OSBP2: variants seen among roughly 807,000 people sequenced by gnomAD.
OSBP2 encodes oxysterol-binding protein 2.
In OSBP2, 66 loss-of-function variants were observed where a neutral mutation model predicts 96.0. The ratio of observed to expected loss-of-function variants is 0.69; its 90% CI spans 0.56 to 0.84. The LOEUF is 0.84. Among genes scored for constraint, OSBP2 ranks in the 40% least tolerant of loss-of-function variants. The pLI is 0.00. For synonymous variants in OSBP2, 525 were observed against 520.9 expected (o/e 1.01, Z -0.11); for missense variants, 1,038 against 1,222.7 (o/e 0.85, Z 2.25).
intron 2 of OSBP2, 54 bp downstream of exon 2, chr22:30,741,423 G>T: frequency 4.8e-6 from 7 of 1,455,150 alleles, no homozygotes; most frequent in Non-Finnish European, 5.6e-6. Flanking sequence ...TGAGTCTGGA[G>T]GAAGTGGGAA....
At chr22:30,857,024 A>T (rs893261055) in intron 2 of OSBP2, among the ~76,000 whole-genome samples, 1 of 152,150 alleles carries the variant, frequency 6.6e-6, no homozygotes, top group Non-Finnish European at 1.5e-5. Context: ...TCCTTCCTGA[A>T]TGTGGACCTT....
At chr22:30,765,020 C>G (rs1030239743) in intron 2 of OSBP2, among the ~76,000 whole-genome samples, 3 of 151,846 alleles carry the variant, frequency 2.0e-5, no homozygotes, top group South Asian at 2.1e-4. Flanking sequence ...TCATATGGCA[C>G]CTAGGGACCC....
intron 2 of OSBP2, among the ~76,000 whole-genome samples, chr22:30,848,170 T>C (rs973272366): frequency 4.6e-5 from 7 of 152,182 alleles, no homozygotes; most frequent in African/African-American, 1.7e-4. Flanking sequence ...CAGTCTCTTT[T>C]TGAAGGGCAT....
At chr22:30,886,391 G>T (rs2039810896) in intron 3 of OSBP2, among the ~76,000 whole-genome samples, 1 of 152,124 alleles carries the variant, frequency 6.6e-6, no homozygotes, top group African/African-American at 2.4e-5. Context: ...GGAGACCAAG[G>T]TTCTTTTTAA....
chr22:30,860,993 G>A (rs899140307), intron 2 of OSBP2, among the ~76,000 whole-genome samples: 3 of 152,168 alleles, frequency 2.0e-5, no homozygotes, highest in Non-Finnish European at 2.9e-5. Context: ...GTGAGGAGGC[G>A]CCCTAGCTTG....
intron 1 of OSBP2, among the ~76,000 whole-genome samples, chr22:30,719,192 C>T (rs190033153): frequency 2.9e-4 from 44 of 152,112 alleles, no homozygotes; most frequent in Non-Finnish European, 6.3e-4. Flanking sequence ...CTGCTGCCCT[C>T]CTCACTCCCC....
At chr22:30,898,779 T>A (rs12168307) in intron 12 of OSBP2, among the ~76,000 whole-genome samples, 8 of 151,544 alleles carry the variant, frequency 5.3e-5, no homozygotes, top group South Asian at 2.1e-4. Flanking sequence ...ATCCCAGCAC[T>A]TTGGAAGGCT....
chr22:30,754,770 C>T (rs1287484902), intron 2 of OSBP2, among the ~76,000 whole-genome samples: 1 of 152,170 alleles, frequency 6.6e-6, no homozygotes, highest in Non-Finnish European at 1.5e-5. Context: ...GCATGGACCT[C>T]CTGCTGCTGT....
intron 2 of OSBP2, among the ~76,000 whole-genome samples, chr22:30,786,736 G>A (rs1362903522): frequency 6.8e-6 from 1 of 147,606 alleles, no homozygotes; most frequent in Non-Finnish European, 1.5e-5. Flanking sequence ...GGGTGGGGTG[G>A]GGTGGGGATG....
intron 2 of OSBP2, among the ~76,000 whole-genome samples, chr22:30,791,736 T>C (rs1191110654): frequency 6.6e-6 from 1 of 151,970 alleles, no homozygotes; most frequent in Non-Finnish European, 1.5e-5. Flanking sequence ...TAGAGAAAAA[T>C]GAATTGTTGA....
intron 3 of OSBP2, among the ~76,000 whole-genome samples, chr22:30,884,678 G>A (rs1326225127): frequency 1.3e-5 from 2 of 152,008 alleles, no homozygotes; most frequent in African/African-American, 2.4e-5. Flanking sequence ...ACGAGAGCTC[G>A]GGCTCTCCCT....
At chr22:30,762,536 C>T (rs888244829) in intron 2 of OSBP2, among the ~76,000 whole-genome samples, 5 of 151,550 alleles carry the variant, frequency 3.3e-5, no homozygotes, top group African/African-American at 9.7e-5. Context: ...AGCAAGACTC[C>T]GTCTCCAAAA....
At chr22:30,808,172 G>A (rs1393504753) in intron 2 of OSBP2, among the ~76,000 whole-genome samples, 1 of 152,128 alleles carries the variant, frequency 6.6e-6, no homozygotes, top group Non-Finnish European at 1.5e-5. Context: ...TGTCATAAGC[G>A]AGGTATACAC....
Position 30,841,041 on chromosome 22 carries a change from T to C in OSBP2, c.854-29388T>C, listed in dbSNP as rs561958282. On this transcript the variant is annotated intron_variant, in intron 2 of 13. Transcript: ENST00000332585. ...TTAACCAGGTGTGATGGCGGGCACC[T>C]GTAACCCCAGCTACTTGGGGGTCTG... is the stretch of plus-strand genomic sequence containing the variant. Among the ~76,000 whole-genome samples, 15 of 152,158 alleles carry C rather than the reference T, an allele frequency of 9.9e-5. No individual in the cohort carries two copies. The South Asian group carries it at 2.9e-3, about 29-fold the overall frequency.
At chr22:30,846,930 C>A (rs2038883426) in intron 2 of OSBP2, among the ~76,000 whole-genome samples, 1 of 151,458 alleles carries the variant, frequency 6.6e-6, no homozygotes, top group African/African-American at 2.4e-5. Flanking sequence ...TGGTTTAGGT[C>A]CTTGGTCTGT....
At chr22:30,902,186 T>C (rs73156722) in intron 12 of OSBP2, 33,391 of 909,208 alleles carry the variant, frequency 0.037, 814 homozygotes, top group Middle Eastern at 0.045. Flanking sequence ...GTGGCCATGG[T>C]TCCCGTAGCC....
At position 30,809,530 on chromosome 22, in the gene OSBP2, C is replaced by T. The variant is rs76825255; in HGVS notation, c.854-60899C>T. On this transcript the variant is annotated intron_variant, in intron 2 of 13. Coordinates refer to ENST00000332585, the MANE Select transcript of OSBP2 (RefSeq NM_030758.4). Reference sequence around the variant, plus strand: ...GCGAAAGCCAGGCTATCTCAGGCCCCGTGAGTGAAGGCATGAGAGCAGGGA... The same window carrying T: ...GCGAAAGCCAGGCTATCTCAGGCCCTGTGAGTGAAGGCATGAGAGCAGGGA... Among the ~76,000 whole-genome samples the T allele has an allele frequency of 4.6e-3, 697 of 152,242 alleles. 8 individuals are homozygous for T. Among genetic ancestry groups the T allele is most frequent in the African/African-American group, 0.016 (668 of 41,550 alleles).
intron 2 of OSBP2, chr22:30,822,584 G>C (rs1188401973): frequency 6.6e-7 from 1 of 1,519,818 alleles, no homozygotes; most frequent in Non-Finnish European, 8.8e-7. Flanking sequence ...CCCGGGACCC[G>C]GCGCCATGTA....
At chr22:30,867,300 T>A (rs5749183) in intron 2 of OSBP2, among the ~76,000 whole-genome samples, 1 of 152,018 alleles carries the variant, frequency 6.6e-6, no homozygotes, top group Non-Finnish European at 1.5e-5. Context: ...GCCAGTCTCC[T>A]TGGTCTGTGC....
Sources: gnomAD v4.1 joint callset for allele counts (sites outside exome capture counted in the v4.1 genomes callset) on GRCh38, gnomAD v4.1.1 for gene constraint, MANE v1.5 for transcripts, NCBI Gene and HGNC (gene_info 2026-07-23, HGNC 2026-07-21) for gene names.